The following DNAAF11 variants were observed in gnomAD, a reference collection of about 807,000 sequenced individuals.
The protein encoded by DNAAF11 is leucine rich repeat containing 6.
A neutral mutation model predicts 60.8 loss-of-function variants in DNAAF11; 45 were observed. That is an observed-to-expected ratio of 0.74 (90% CI 0.58 to 0.95). The LOEUF (loss-of-function observed/expected upper bound fraction) is 0.95. Ranked by LOEUF, DNAAF11 falls within the 40% of genes least tolerant of loss-of-function variation. DNAAF11 has a pLI of 0.00. For synonymous variants in DNAAF11, 191 were observed against 183.5 expected, an observed-to-expected ratio of 1.04 and a Z score of -0.33; for missense variants, 546 against 546.2, an observed-to-expected ratio of 1.00 and a Z score of 0.00.
intron 6 of DNAAF11, among the ~76,000 whole-genome samples, chr8:132,624,488 C>G (rs779051446): frequency 7.2e-5 from 11 of 152,132 alleles, no homozygotes; most frequent in Non-Finnish European, 1.3e-4. Context: ...GTTATACCTC[C>G]CTAAAACTTT....
chr8:132,667,689 C>T (rs1258519428), intron 1 of DNAAF11, among the ~76,000 whole-genome samples: 2 of 152,192 alleles, frequency 1.3e-5, no homozygotes, highest in East Asian at 3.8e-4. Context: ...CAGATACATA[C>T]TCCCCTCACT....
chr8:132,592,075 A>C (rs1051436818), intron 10 of DNAAF11, among the ~76,000 whole-genome samples: 3 of 152,174 alleles, frequency 2.0e-5, no homozygotes, highest in Non-Finnish European at 2.9e-5. Context: ...AATATCCTCC[A>C]ATTTTATTAT....
At chr8:132,604,679 A>G (rs1247865175) in intron 10 of DNAAF11, among the ~76,000 whole-genome samples, 1 of 152,188 alleles carries the variant, frequency 6.6e-6, no homozygotes, top group African/African-American at 2.4e-5. Context: ...TTATGTACAT[A>G]GAACTTAGTT....
intron 10 of DNAAF11, among the ~76,000 whole-genome samples, chr8:132,597,047 T>A (rs918680132): frequency 6.6e-6 from 1 of 152,234 alleles, no homozygotes; most frequent in Non-Finnish European, 1.5e-5. Context: ...CCATTTTAAG[T>A]GGCAACTTTG....
chr8:132,667,933 T>G (rs1202947595), intron 1 of DNAAF11, among the ~76,000 whole-genome samples: 1 of 152,204 alleles, frequency 6.6e-6, no homozygotes, highest in Non-Finnish European at 1.5e-5. Context: ...TTCTCAAAAC[T>G]CCCAAAGCCA....
chr8:132,681,712 G>A, the DNAAF11 span, among the ~76,000 whole-genome samples: 1 of 152,080 alleles, frequency 6.6e-6, no homozygotes, highest in African/African-American at 2.4e-5. Flanking sequence ...TCTCAAAATC[G>A]AAGATGAAAT....
the DNAAF11 span, among the ~76,000 whole-genome samples, chr8:132,698,969 C>A: frequency 0.38 from 53,630 of 142,376 alleles, 11,269 homozygotes; most frequent in African/African-American, 0.57. Flanking sequence ...CACACACACA[C>A]ACAAAAAAAA....
intron 1 of DNAAF11, among the ~76,000 whole-genome samples, chr8:132,667,658 G>A (rs961635926): frequency 1.3e-5 from 2 of 152,134 alleles, no homozygotes; most frequent in East Asian, 3.9e-4. Context: ...TCTTGATGAA[G>A]GATATTGACA....
At chr8:132,700,342 C>G in the DNAAF11 span, among the ~76,000 whole-genome samples, 1 of 152,150 alleles carries the variant, frequency 6.6e-6, no homozygotes, top group South Asian at 2.1e-4. Context: ...TTGGTCATGG[C>G]CTTCCTCTCA....
intron 6 of DNAAF11, among the ~76,000 whole-genome samples, chr8:132,623,603 G>A (rs1480485355): frequency 6.6e-6 from 1 of 152,044 alleles, no homozygotes; most frequent in Non-Finnish European, 1.5e-5. Context: ...CCTTAAATAG[G>A]CAAATATGGA....
chr8:132,653,071 A>G (rs1823184958), intron 3 of DNAAF11, among the ~76,000 whole-genome samples: 1 of 152,242 alleles, frequency 6.6e-6, no homozygotes, highest in Non-Finnish European at 1.5e-5. Flanking sequence ...AATATCAAGA[A>G]AAATGGATTT....
intron 1 of DNAAF11, among the ~76,000 whole-genome samples, chr8:132,666,622 A>G (rs1008831658): frequency 3.3e-5 from 5 of 152,180 alleles, no homozygotes; most frequent in African/African-American, 4.8e-5. Flanking sequence ...AGAGATACAG[A>G]GCACACATGA....
chr8:132,701,041 A>G, the DNAAF11 span, among the ~76,000 whole-genome samples: 1 of 152,154 alleles, frequency 6.6e-6, no homozygotes, highest in South Asian at 2.1e-4. Context: ...GGAAGATGGA[A>G]GGGCAAGAAT....
intron 10 of DNAAF11, among the ~76,000 whole-genome samples, chr8:132,604,078 A>G (rs1817908314): frequency 6.6e-6 from 1 of 152,228 alleles, no homozygotes. Flanking sequence ...TAGAAATTTC[A>G]GGAATGAGCT....
chr8:132,692,758 C>T, the DNAAF11 span, among the ~76,000 whole-genome samples: 1 of 152,202 alleles, frequency 6.6e-6, no homozygotes, highest in East Asian at 1.9e-4. Flanking sequence ...CCATTCGCAA[C>T]CTCCACCTTG....
At chr8:132,627,905 T>C (rs1820433213) in intron 5 of DNAAF11, among the ~76,000 whole-genome samples, 1 of 152,184 alleles carries the variant, frequency 6.6e-6, no homozygotes, top group Admixed American at 6.5e-5. Context: ...GCAAGCACCT[T>C]TGTCATTCTT....
Position 132,571,386 on chromosome 8 carries a change from G to C in DNAAF11, c.*920C>G, listed in dbSNP as rs758035183. Among the ~76,000 whole-genome samples the C allele has an allele frequency of 1.3e-5, 2 of 152,150 alleles. No individual in the cohort carries two copies. The highest frequency in any genetic ancestry group is 2.9e-5 in the Non-Finnish European group (2 of 68,050). ...ATCATGATCAGAGTAACAGTAATTT[G>C]TCCTACAATGTATGTGAAATATTGA... On this transcript the variant is annotated 3_prime_UTR_variant, in exon 12 of 12. Transcript: ENST00000620350.
At chr8:132,691,682 T>C in the DNAAF11 span, among the ~76,000 whole-genome samples, 1 of 152,076 alleles carries the variant, frequency 6.6e-6, no homozygotes, top group Non-Finnish European at 1.5e-5. Flanking sequence ...TAAACTACCA[T>C]TTATGAAACC....
At chr8:132,629,756 C>T (rs1820626291) in intron 5 of DNAAF11, among the ~76,000 whole-genome samples, 1 of 152,188 alleles carries the variant, frequency 6.6e-6, no homozygotes, top group Non-Finnish European at 1.5e-5. Flanking sequence ...TTTCAAGTTA[C>T]TCCTTACAAA....
Sources: allele counts gnomAD v4.1 joint callset (sites outside exome capture counted in the v4.1 genomes callset), GRCh38; gene constraint gnomAD v4.1.1; transcripts MANE v1.5; gene names NCBI Gene and HGNC (gene_info 2026-07-23, HGNC 2026-07-21).